Variants in BORCS5 observed in about 807,000 individuals in gnomAD.
The protein encoded by BORCS5 is BLOC-1 related complex subunit 5.
A neutral mutation model predicts 22.1 loss-of-function variants in BORCS5; 17 were observed. That is an observed-to-expected ratio of 0.77 (90% confidence interval 0.53 to 1.15). The LOEUF (loss-of-function observed/expected upper bound fraction) is 1.15, where lower values mean the gene tolerates loss of function less well. Among genes scored for constraint, BORCS5 ranks in the 50% most tolerant of loss-of-function variants. BORCS5 has a pLI of 0.00. For missense variants in BORCS5, 247 were observed against 253.2 expected (o/e 0.98, Z 0.17); for synonymous variants, 117 against 99.8 (o/e 1.17, Z -1.03).
intron 2 of BORCS5, among the ~76,000 whole-genome samples, chr12:12,415,932 C>G (rs1019169945): frequency 5.3e-5 from 8 of 152,126 alleles, no homozygotes; most frequent in African/African-American, 1.7e-4. Context: ...TGGTGGAACT[C>G]ACCTGTGAAA....
chr12:12,418,053 TC>T (rs1942015850), intron 2 of BORCS5, among the ~76,000 whole-genome samples: 2 of 151,388 alleles, frequency 1.3e-5, no homozygotes, highest in Admixed American at 1.3e-4. Flanking sequence ...AGACGGAGCC[TC>T]ACTCTGTCGC....
chr12:12,365,319 C>T (rs1267783202), intron 2 of BORCS5, among the ~76,000 whole-genome samples: 2 of 151,830 alleles, frequency 1.3e-5, no homozygotes, highest in African/African-American at 2.4e-5. Flanking sequence ...ACAGTGTGCA[C>T]CACCACACCC....
In BORCS5 at chr12:12,470,608, A is replaced by C. The variant is rs1011192136; in HGVS notation, c.*4832A>C. ...CCTGTCTGTAGAAAAATTGTCTTCT[A>C]TGAAATGGGTCCCTGGTGCCAGAAA... On this transcript the variant is annotated 3_prime_UTR_variant, in exon 4 of 4. Transcript: ENST00000314565. Among the ~76,000 whole-genome samples the C allele has an allele frequency of 6.6e-6, 1 of 151,798 alleles. No homozygotes were observed. Among genetic ancestry groups the C allele is most frequent in the African/African-American group, 2.4e-5 (1 of 41,306 alleles).
At chr12:12,367,620 C>T (rs139041108) in intron 2 of BORCS5, among the ~76,000 whole-genome samples, 1 of 152,296 alleles carries the variant, frequency 6.6e-6, no homozygotes, top group Admixed American at 6.5e-5. Flanking sequence ...TTGGGTTAGC[C>T]TTACTCAGAA....
chr12:12,449,535 G>T (rs1343954853), intron 3 of BORCS5, among the ~76,000 whole-genome samples: 1 of 152,204 alleles, frequency 6.6e-6, no homozygotes, highest in Non-Finnish European at 1.5e-5. Context: ...GTGATGCCAA[G>T]GGTAAGAAGG....
intron 2 of BORCS5, among the ~76,000 whole-genome samples, chr12:12,382,961 T>C (rs1344421670): frequency 6.6e-6 from 1 of 151,568 alleles, no homozygotes; most frequent in East Asian, 1.9e-4. Context: ...TACCTTTTGA[T>C]TGAGGTATAA....
chr12:12,418,182 C>A (rs10845535), intron 2 of BORCS5, among the ~76,000 whole-genome samples: 40,027 of 150,316 alleles, frequency 0.27, 6,370 homozygotes, highest in Non-Finnish European at 0.35. Context: ...TGCCGCCATG[C>A]CTGGCTAATT....
intron 2 of BORCS5, among the ~76,000 whole-genome samples, chr12:12,376,907 C>A (rs1035074470): frequency 1.3e-5 from 2 of 152,174 alleles, no homozygotes; most frequent in Non-Finnish European, 2.9e-5. Context: ...ATAAGGCTTC[C>A]TCTGTAGCAC....
intron 2 of BORCS5, among the ~76,000 whole-genome samples, chr12:12,362,389 T>C (rs190868424): frequency 1.3e-5 from 2 of 152,344 alleles, no homozygotes; most frequent in Admixed American, 6.5e-5. Flanking sequence ...TTCATCTGTT[T>C]CATAAATAAG....
At chr12:12,423,717 C>G (rs1942203637) in intron 2 of BORCS5, among the ~76,000 whole-genome samples, 1 of 144,366 alleles carries the variant, frequency 6.9e-6, no homozygotes, top group Non-Finnish European at 1.5e-5. Context: ...GAGACAGAGT[C>G]TCAGTCTGTC....
chr12:12,389,962 T>A (rs1302745862), intron 2 of BORCS5, among the ~76,000 whole-genome samples: 1 of 152,090 alleles, frequency 6.6e-6, no homozygotes, highest in Non-Finnish European at 1.5e-5. Context: ...TCTTTAAATC[T>A]TCATTTCCCA....
chr12:12,358,687 C>T (rs961786726), intron 1 of BORCS5, among the ~76,000 whole-genome samples: 1 of 152,192 alleles, frequency 6.6e-6, no homozygotes, highest in African/African-American at 2.4e-5. Context: ...ACTTTACATA[C>T]ATTTACATAT....
At chr12:12,458,199 C>G (rs1717187078) in intron 3 of BORCS5, among the ~76,000 whole-genome samples, 1 of 152,220 alleles carries the variant, frequency 6.6e-6, no homozygotes, top group Admixed American at 6.5e-5. Context: ...ACAAGCTTCA[C>G]ACTGTTAATA....
chr12:12,407,896 G>C (rs2136081409), intron 2 of BORCS5, among the ~76,000 whole-genome samples: 1 of 152,046 alleles, frequency 6.6e-6, no homozygotes, highest in African/African-American at 2.4e-5. Flanking sequence ...ATTTTGTAGA[G>C]ACGGGGTTTC....
At chr12:12,407,705 T>C (rs75069573) in intron 2 of BORCS5, among the ~76,000 whole-genome samples, 1 of 149,336 alleles carries the variant, frequency 6.7e-6, no homozygotes, top group African/African-American at 2.5e-5. Flanking sequence ...TACTATTCTT[T>C]TTGTTTTTTT....
At position 12,469,908 on chromosome 12, in the gene BORCS5, A is replaced by G. The variant is rs1366422362; in HGVS notation, c.*4132A>G. ...CTTTCGCTTCATTCCTTTGTTAAGA[A>G]CTATATAGTGCCTCTGAGGAGGTGG... On this transcript the variant is annotated 3_prime_UTR_variant, in exon 4 of 4. Transcript: ENST00000314565. Among the ~76,000 whole-genome samples the G allele has an allele frequency of 1.3e-5, 2 of 152,150 alleles. No homozygotes were observed. Among genetic ancestry groups the G allele is most frequent in the East Asian group, 3.8e-4 (2 of 5,198 alleles).
chr12:12,420,743 T>C (rs1209695760), intron 2 of BORCS5, among the ~76,000 whole-genome samples: 1 of 152,246 alleles, frequency 6.6e-6, no homozygotes, highest in Non-Finnish European at 1.5e-5. Context: ...CAGTGGTTTA[T>C]AGCTCTCCTT....
At chr12:12,424,490 G>A (rs1942228265) in intron 2 of BORCS5, among the ~76,000 whole-genome samples, 1 of 151,820 alleles carries the variant, frequency 6.6e-6, no homozygotes, top group Admixed American at 6.6e-5. Context: ...TAAGACAGTT[G>A]TTTTAAAGTC....
At chr12:12,359,945 G>C (rs1863240601) in intron 1 of BORCS5, among the ~76,000 whole-genome samples, 1 of 151,852 alleles carries the variant, frequency 6.6e-6, no homozygotes, top group African/African-American at 2.4e-5. Context: ...TTAGAAATAG[G>C]GAGATATATA....
Sources: allele counts gnomAD v4.1 joint callset (sites outside exome capture counted in the v4.1 genomes callset), GRCh38; gene constraint gnomAD v4.1.1; transcripts MANE v1.5; gene names NCBI Gene and HGNC (gene_info 2026-07-23, HGNC 2026-07-21).